Variants in CA12 observed in about 807,000 individuals in gnomAD.
CA12 encodes carbonate dehydratase XII.
In CA12, 36 loss-of-function variants were observed where a neutral mutation model predicts 46.8. That is an observed-to-expected ratio of 0.77 (90% CI 0.59 to 1.02). The LOEUF (loss-of-function observed/expected upper bound fraction) is 1.02. Among genes scored for constraint, CA12 ranks in the 50% least tolerant of loss-of-function variants. The probability of loss-of-function intolerance (pLI) is 0.00; values close to 1 mark genes in which losing one functional copy is unlikely to be tolerated. For synonymous variants in CA12, 202 were observed against 187.0 expected, an observed-to-expected ratio of 1.08 and a Z score of -0.65; for missense variants, 436 against 451.4, an observed-to-expected ratio of 0.97 and a Z score of 0.31.
chr15:63,380,680 CCCCTG>C (rs1468841437), intron 1 of CA12, among the ~76,000 whole-genome samples: 1 of 152,178 alleles, frequency 6.6e-6, no homozygotes, highest in East Asian at 1.9e-4. Context: ...CAGCCTGGCT[CCCCTG>C]CCCTTCCCCA....
Position 63,327,608 on chromosome 15 carries a change from C to T in CA12, c.908-375G>A, listed in dbSNP as rs1009067605. ...AATACTTACAGCTGATACTGATGCACGTGGTCCAAGAACCACACTTTGATA... is the reference window on the plus strand; with the variant it reads ...AATACTTACAGCTGATACTGATGCATGTGGTCCAAGAACCACACTTTGATA... On this transcript the variant is annotated intron_variant, in intron 9 of 10. Transcript: ENST00000178638. The surrounding 1 kb of genome is among the most constrained non-coding windows in gnomAD (Gnocchi z 4.5). 2.2e-4 allele frequency among the ~76,000 whole-genome samples: 33 copies of T among 151,864 alleles called. No individual in the cohort carries two copies. Among genetic ancestry groups the T allele is most frequent in the African/African-American group, 7.7e-4 (32 of 41,396 alleles).
intron 2 of CA12, among the ~76,000 whole-genome samples, chr15:63,357,996 C>A (rs1037769951): frequency 5.9e-5 from 9 of 152,224 alleles, no homozygotes; most frequent in African/African-American, 1.9e-4. Context: ...AGCATTCCTT[C>A]CTATGCAATA....
chr15:63,367,439 T>G (rs529178669), intron 2 of CA12, among the ~76,000 whole-genome samples: 2 of 152,278 alleles, frequency 1.3e-5, no homozygotes, highest in South Asian at 4.1e-4. Context: ...GGTGTGCCAA[T>G]GAGGAGCCAC....
intron 1 of CA12, among the ~76,000 whole-genome samples, chr15:63,376,971 C>A (rs1303274956): frequency 1.3e-5 from 2 of 152,136 alleles, no homozygotes; most frequent in Non-Finnish European, 2.9e-5. Flanking sequence ...GAGGAAGCTG[C>A]TACCCACATC....
At position 63,341,297 on chromosome 15, in the gene CA12, G is replaced by C. The variant is rs2039076396; in HGVS notation, c.526-514C>G. Among the ~76,000 whole-genome samples the C allele has an allele frequency of 6.6e-6, 1 of 152,100 alleles. No individual in the cohort carries two copies. Among genetic ancestry groups the C allele is most frequent in the Non-Finnish European group, 1.5e-5 (1 of 68,026 alleles). ...GCCCCCAGGCTGTGGACCAGTACCG[G>C]TCTGTGGCCTGTTAGGAACTGGGCC... On this transcript the variant is annotated intron_variant, in intron 5 of 10. Coordinates refer to ENST00000178638, the MANE Select transcript of CA12 (RefSeq NM_001218.5). The surrounding 1 kb of genome is among the most constrained non-coding windows in gnomAD (Gnocchi z 5.2).
chr15:63,346,440 G>T, intron 3 of CA12, 90 bp downstream of exon 3: 1 of 983,900 alleles, frequency 1.0e-6, no homozygotes. Context: ...TGCTTCCACG[G>T]AACACCTCCC....
intron 4 of CA12, among the ~76,000 whole-genome samples, chr15:63,342,406 T>A (rs1319732606): frequency 6.6e-6 from 1 of 152,172 alleles, no homozygotes; most frequent in Non-Finnish European, 1.5e-5. Flanking sequence ...ATAGGTAGAT[T>A]TAACTTTTTT....
intron 2 of CA12, among the ~76,000 whole-genome samples, chr15:63,346,976 T>C (rs115839639): frequency 1.1e-3 from 168 of 152,286 alleles, no homozygotes; most frequent in African/African-American, 3.8e-3. Context: ...ATTTTGTACA[T>C]TGTTCCTGTT....
At chr15:63,368,777 G>T (rs1018981888) in intron 2 of CA12, among the ~76,000 whole-genome samples, 1 of 152,218 alleles carries the variant, frequency 6.6e-6, no homozygotes, top group South Asian at 2.1e-4. Context: ...CTGCCAGCCC[G>T]CTGCACCTGC....
chr15:63,328,209 C>G lies in CA12; in HGVS notation c.875-79G>C, dbSNP rs1423715464. 6.1e-6 allele frequency: 8 copies of G among 1,322,244 alleles called. No individual in the cohort carries two copies. The East Asian group carries it at 9.2e-5, about 15-fold the overall frequency. The allele number at this position is 1,322,244 out of a possible 1,614,324, so 81.9% of individuals were successfully genotyped here. A position where few individuals can be genotyped will look rare whatever the true frequency, so the allele number is the denominator to read the frequency against. On this transcript the variant is annotated intron_variant, in intron 8 of 10. Coordinates refer to ENST00000178638, the MANE Select transcript of CA12 (RefSeq NM_001218.5). The surrounding 1 kb of genome is among the most constrained non-coding windows in gnomAD (Gnocchi z 5.9). ...TTTGAGCAGCGTGTTGAGAGACGCT[C>G]TACCATTTGTTTGGTCTTAGGCTGA... is the stretch of plus-strand genomic sequence containing the variant.
chr15:63,348,275 G>A lies in CA12; in HGVS notation c.107-1566C>T, dbSNP rs964001881. ...ACTTGGGCATGGCAGAGTCTCCGCT[G>A]AGCTCTACTATTCTTATTTTCAAGG... On this transcript the variant is annotated intron_variant, in intron 2 of 10. Coordinates refer to ENST00000178638, the MANE Select transcript of CA12 (RefSeq NM_001218.5). This position sits in a 1 kb window ranked among gnomAD's most constrained non-coding sequence, Gnocchi z 4.6. Among the ~76,000 whole-genome samples the A allele has an allele frequency of 6.6e-6, 1 of 152,180 alleles. No individual in the cohort carries two copies. The highest frequency in any genetic ancestry group is 2.4e-5 in the African/African-American group (1 of 41,442).
rs780478289 is a variant in CA12 at position 63,340,371 on chromosome 15, G to A, written c.664C>T (p.Arg222Trp). The A allele has an allele frequency of 1.1e-5, 17 of 1,613,948 alleles. No homozygotes were observed. Among genetic ancestry groups the A allele is most frequent in the South Asian group, 6.6e-5 (6 of 91,082 alleles). The change falls in exon 7 of 11, where the codon CGG becomes TGG. Residue 222 changes from arginine to tryptophan, a missense_variant. Coordinates refer to ENST00000178638, the MANE Select transcript of CA12 (RefSeq NM_001218.5). The surrounding 1 kb of genome is among the most constrained non-coding windows in gnomAD (Gnocchi z 4.4). ...CAAGGGGGTGTGGTCAGGGACCCCC[G>A]GTAGCGGTAATATTCAGCGGTCCTC... Reference protein sequence around the residue: ...PERTAEYYRYRGSLTTPPCNP... With the variant: ...PERTAEYYRYWGSLTTPPCNP...
intron 2 of CA12, among the ~76,000 whole-genome samples, chr15:63,356,768 C>G (rs1220256632): frequency 6.6e-6 from 1 of 152,158 alleles, no homozygotes; most frequent in Non-Finnish European, 1.5e-5. Flanking sequence ...CTTGGCCTCC[C>G]AAAGTGCTGG....
chr15:63,366,531 C>T (rs892655437), intron 2 of CA12, among the ~76,000 whole-genome samples: 15 of 152,208 alleles, frequency 9.9e-5, no homozygotes, highest in African/African-American at 3.6e-4. Context: ...CAAGCCTTGT[C>T]AACCATTTCC....
At chr15:63,332,904 C>T (rs140075555) in intron 8 of CA12, among the ~76,000 whole-genome samples, 1 of 152,308 alleles carries the variant, frequency 6.6e-6, no homozygotes, top group East Asian at 1.9e-4. Flanking sequence ...CGTCAGTCAT[C>T]CCTGGCCTTA....
intron 2 of CA12, among the ~76,000 whole-genome samples, chr15:63,350,679 C>T (rs1182469888): frequency 6.6e-6 from 1 of 152,162 alleles, no homozygotes; most frequent in Admixed American, 6.5e-5. Flanking sequence ...AAATGCCTCT[C>T]GTGATTTCTG....
rs1047313449 is a variant in CA12 at position 63,355,021 on chromosome 15, C to T, written c.107-8312G>A. On this transcript the variant is annotated intron_variant, in intron 2 of 10. Coordinates refer to ENST00000178638, the MANE Select transcript of CA12 (RefSeq NM_001218.5). The surrounding 1 kb of genome is among the most constrained non-coding windows in gnomAD (Gnocchi z 4.1). ...GGAGGCGGGTGGGGTTTCCAGGCTG[C>T]CAAAGGTAAAGGGTGACGATCTGTT... is the stretch of plus-strand genomic sequence containing the variant. 6.6e-6 allele frequency among the ~76,000 whole-genome samples: 1 copy of T among 152,076 alleles called. No homozygotes were observed. Among genetic ancestry groups the T allele is most frequent in the Non-Finnish European group, 1.5e-5 (1 of 67,984 alleles).
At chr15:63,343,422 C>T (rs2039107593) in intron 4 of CA12, among the ~76,000 whole-genome samples, 1 of 151,692 alleles carries the variant, frequency 6.6e-6, no homozygotes, top group Admixed American at 6.6e-5. Context: ...GCTAGGATTA[C>T]AGGCATGTGC....
At chr15:63,357,648 T>G (rs548749671) in intron 2 of CA12, among the ~76,000 whole-genome samples, 7 of 83,868 alleles carry the variant, frequency 8.3e-5, no homozygotes, top group Admixed American at 1.7e-4. Context: ...GAAGTTGCTT[T>G]CTTTCTTTCT....
Sources: allele counts gnomAD v4.1 joint callset (sites outside exome capture counted in the v4.1 genomes callset), GRCh38; gene constraint gnomAD v4.1.1; non-coding constraint Gnocchi (gnomAD v3.1); transcripts MANE v1.5; gene names NCBI Gene and HGNC (gene_info 2026-07-23, HGNC 2026-07-21).